Variants in GLB1 observed in about 807,000 individuals in gnomAD.
GLB1 encodes the protein beta-galactosidase.
In GLB1, 56 loss-of-function variants were observed where a neutral mutation model predicts 74.0. That is an observed-to-expected ratio of 0.76 (90% CI 0.61 to 0.94). The LOEUF (loss-of-function observed/expected upper bound fraction) is 0.94. Ranked by LOEUF, GLB1 falls within the 40% of genes least tolerant of loss-of-function variation. GLB1 has a pLI of 0.00. For missense variants in GLB1, 787 were observed against 845.5 expected, an observed-to-expected ratio of 0.93 and a Z score of 0.86; for synonymous variants, 323 against 323.6, an observed-to-expected ratio of 1.00 and a Z score of 0.02.
At chr3:33,075,621 T>C (rs1700076329) in intron 1 of GLB1, among the ~76,000 whole-genome samples, 1 of 151,634 alleles carries the variant, frequency 6.6e-6, no homozygotes. Flanking sequence ...GGCGGTAAAG[T>C]AAGGGTTAGA....
intron 15 of GLB1, among the ~76,000 whole-genome samples, chr3:33,011,155 G>A (rs1697006504): frequency 6.6e-6 from 1 of 152,054 alleles, no homozygotes; most frequent in Admixed American, 6.6e-5. Context: ...ACCACACCCA[G>A]TAAAACATAC....
rs900336854 is a variant in GLB1 at position 33,065,654 on chromosome 3, C to A, written c.458-97G>T. ...CTTTGAATGTGGCCCAACACAAATT[C>A]GTAAACTTTTTAAAAACATTCTGAG... On this transcript the variant is annotated intron_variant, in intron 4 of 15. Transcript: ENST00000307363. The A allele has an allele frequency of 2.1e-6, 3 of 1,417,820 alleles. No homozygotes were observed. In the East Asian group the frequency reaches 7.6e-5, roughly 36 times the overall value. 87.8% of individuals were successfully genotyped at this position (1,417,820 alleles called of 1,614,324 possible). A position where few individuals can be genotyped will look rare whatever the true frequency, so the allele number is the denominator to read the frequency against.
the GLB1 span, among the ~76,000 whole-genome samples, chr3:32,961,227 C>T: frequency 6.6e-6 from 1 of 152,192 alleles, no homozygotes; most frequent in Non-Finnish European, 1.5e-5. Context: ...TTTAAAACCC[C>T]CAAACTCCAT....
chr3:33,087,574 T>TGCGCGC (rs143221303), intron 1 of GLB1, among the ~76,000 whole-genome samples: 5 of 51,798 alleles, frequency 9.7e-5, no homozygotes, highest in East Asian at 1.8e-3. Flanking sequence ...TGTCTCAGCA[T>TGCGCGC]GCGCGCACAC....
At chr3:33,074,553 A>G (rs1700038773) in intron 1 of GLB1, among the ~76,000 whole-genome samples, 1 of 151,464 alleles carries the variant, frequency 6.6e-6, no homozygotes, top group African/African-American at 2.4e-5. Context: ...TTTTGGGGTC[A>G]CTTCAGGAGC....
rs201148460 is a variant in GLB1, at chr3:33,018,509, G to A, written c.1286C>T (p.Pro429Leu). 53 of 1,613,978 alleles carry A rather than the reference G, an allele frequency of 3.3e-5. No homozygotes were observed. The Admixed American group carries it at 8.8e-4, about 27-fold the overall frequency. Reference protein sequence around the residue: ...RTTLPQDCSNPAPLSSPLNGV... With the variant: ...RTTLPQDCSNLAPLSSPLNGV... The stretch of plus-strand genomic sequence containing the variant: ...ATTGAGGGGTGAAGAGAGAGGTGCT[G>A]GGTTGCTGCAATCTTGAGGAAGTGT... The change falls in exon 13 of 16, where the codon CCA (proline) becomes CTA (leucine). Residue 429 changes from proline to leucine, a missense_variant. By Grantham distance (98) the Pro-to-Leu change is moderately conservative (BLOSUM62 -3). Coordinates refer to ENST00000307363, the MANE Select transcript of GLB1 (RefSeq NM_000404.4).
At chr3:33,035,301 G>A (rs551331213) in intron 10 of GLB1, among the ~76,000 whole-genome samples, 2 of 152,064 alleles carry the variant, frequency 1.3e-5, no homozygotes, top group South Asian at 2.1e-4. Context: ...GTGTGGTGGC[G>A]CACACCTGTA....
intron 5 of GLB1, among the ~76,000 whole-genome samples, chr3:33,062,792 C>T (rs1699498490): frequency 6.6e-6 from 1 of 152,116 alleles, no homozygotes; most frequent in South Asian, 2.1e-4. Context: ...TCTCAAAAAA[C>T]AAAAACAATA....
the GLB1 span, among the ~76,000 whole-genome samples, chr3:32,969,217 G>T: frequency 6.6e-6 from 1 of 152,224 alleles, no homozygotes; most frequent in Non-Finnish European, 1.5e-5. Context: ...TTTGCCTACA[G>T]AAACTTCTGC....
chr3:33,018,438 C>T lies in GLB1; in HGVS notation c.1347+10G>A, dbSNP rs199538100. 3.7e-4 allele frequency: 592 copies of T among 1,613,560 alleles called. 1 individual carries two copies. Among genetic ancestry groups the T allele is most frequent in the South Asian group, 1.3e-3 (120 of 91,064 alleles). On this transcript the variant is annotated intron_variant, in intron 13 of 15. Transcript: ENST00000307363. Reference sequence around the variant, plus strand: ...TGGGACAAAACGCACAGTTCAGAGACGATTCTTACCCCATCCACAGCAACA... The same window carrying T: ...TGGGACAAAACGCACAGTTCAGAGATGATTCTTACCCCATCCACAGCAACA...
At chr3:33,084,298 T>C (rs1700426794) in intron 1 of GLB1, among the ~76,000 whole-genome samples, 1 of 152,112 alleles carries the variant, frequency 6.6e-6, no homozygotes. Context: ...CTTCAGTTCA[T>C]AGAACAAAGA....
In GLB1 at chr3:33,058,050, T is replaced by C. The variant is rs773482294; in HGVS notation, c.733+39A>G. The C allele has an allele frequency of 5.6e-6, 9 of 1,611,982 alleles. No homozygotes were observed. In the Admixed American group the frequency reaches 1.3e-4, roughly 24 times the overall value. On this transcript the variant is annotated intron_variant, in intron 6 of 15. Transcript: ENST00000307363. ...CAGAGCAACTGACTGAGTAAAAAGC[T>C]GATTTTAAGCTGCAATTTCTGTTAC... is the stretch of plus-strand genomic sequence containing the variant.
chr3:33,030,430 T>C (rs1697958085), intron 10 of GLB1: 2 of 914,156 alleles, frequency 2.2e-6, no homozygotes, highest in Non-Finnish European at 2.6e-6. Context: ...TAAAAGACTA[T>C]TTAACAGTTG....
the GLB1 span, among the ~76,000 whole-genome samples, chr3:32,965,395 TG>T: frequency 6.6e-6 from 1 of 152,160 alleles, no homozygotes; most frequent in Non-Finnish European, 1.5e-5. Flanking sequence ...AGGTGACTCT[TG>T]TTATACTTTA....
intron 1 of GLB1, among the ~76,000 whole-genome samples, chr3:33,083,353 C>T (rs554798573): frequency 3.4e-5 from 5 of 148,870 alleles, no homozygotes; most frequent in African/African-American, 5.0e-5. Flanking sequence ...GCCAAGATCG[C>T]GCCACTGCAC....
At chr3:32,980,005 G>A in the GLB1 span, among the ~76,000 whole-genome samples, 2 of 152,042 alleles carry the variant, frequency 1.3e-5, no homozygotes, top group Non-Finnish European at 1.5e-5. Flanking sequence ...CATACTTTGT[G>A]TAATGATCAA....
At chr3:32,979,133 T>C in the GLB1 span, among the ~76,000 whole-genome samples, 5 of 152,060 alleles carry the variant, frequency 3.3e-5, no homozygotes, top group Admixed American at 2.6e-4. Flanking sequence ...TGTGCCACCA[T>C]GCCCGGCTAA....
Position 33,053,508 on chromosome 3 carries a change from C to T in GLB1, c.775G>A (p.Glu259Lys), listed in dbSNP as rs1699086565. 1 of 1,614,150 alleles carries T rather than the reference C, an allele frequency of 6.2e-7. No homozygotes were observed. The highest frequency in any genetic ancestry group is 8.5e-7 in the Non-Finnish European group (1 of 1,180,000). ...ATTCTTACCAAGGGTCCTTTGGGCTCACACTTCCTCTGGCTTAGGAAAGCA... is the reference window on the plus strand; with the variant it reads ...ATTCTTACCAAGGGTCCTTTGGGCTTACACTTCCTCTGGCTTAGGAAAGCA... Reference protein sequence around the residue: ...TDAFLSQRKCEPKGPLINSEF... With the variant: ...TDAFLSQRKCKPKGPLINSEF... The change falls in exon 7 of 16, where the codon GAG becomes AAG. Residue 259 changes from glutamate to lysine, a missense_variant. Coordinates refer to ENST00000307363, the MANE Select transcript of GLB1 (RefSeq NM_000404.4).
At chr3:33,028,349 A>G (rs1446970996) in intron 10 of GLB1, among the ~76,000 whole-genome samples, 1 of 152,184 alleles carries the variant, frequency 6.6e-6, no homozygotes, top group Non-Finnish European at 1.5e-5. Flanking sequence ...CTTTCTTGCT[A>G]TTATGGTTAT....
Sources: gnomAD v4.1 joint callset for allele counts (sites outside exome capture counted in the v4.1 genomes callset) on GRCh38, gnomAD v4.1.1 for gene constraint, MANE v1.5 for transcripts, NCBI Gene and HGNC (gene_info 2026-07-23, HGNC 2026-07-21) for gene names.